The following EXOSC7 variants were observed in gnomAD, a reference collection of about 807,000 sequenced individuals.
EXOSC7 encodes exosome complex component RRP42.
A neutral mutation model predicts 34.3 loss-of-function variants in EXOSC7; 25 were observed. The observed-to-expected ratio is 0.73, with a 90% CI of 0.53 to 1.02. EXOSC7 has a LOEUF of 1.02. EXOSC7 is among the 50% of genes least tolerant of loss of function. EXOSC7 has a pLI of 0.00. For missense variants in EXOSC7, 370 were observed against 368.5 expected (o/e 1.00, Z -0.03); for synonymous variants, 130 against 143.0 (o/e 0.91, Z 0.65).
intron 1 of EXOSC7, among the ~76,000 whole-genome samples, chr3:44,984,779 A>G (rs916555321): frequency 3.3e-5 from 5 of 152,274 alleles, no homozygotes; most frequent in Non-Finnish European, 5.9e-5. Flanking sequence ...TATTCCTTGC[A>G]CATTATCTGG....
At chr3:44,989,375 AG>A (rs3830558) in intron 2 of EXOSC7, 134 bp downstream of exon 2, 22,027 of 825,446 alleles carry the variant, frequency 0.027, 442 homozygotes, top group Middle Eastern at 0.052. Flanking sequence ...AAACTCAGGG[AG>A]GGGGGGTCTA....
chr3:45,002,707 A>G (rs139526720), intron 5 of EXOSC7, among the ~76,000 whole-genome samples: 2,041 of 152,318 alleles, frequency 0.013, 19 homozygotes, highest in Non-Finnish European at 0.021. Context: ...GAGCTTTTCT[A>G]TGATGAGTTT....
intron 7 of EXOSC7, among the ~76,000 whole-genome samples, chr3:45,009,608 G>A (rs1239453035): frequency 1.3e-5 from 2 of 151,818 alleles, no homozygotes; most frequent in Non-Finnish European, 2.9e-5. Flanking sequence ...GAGTGCAGTG[G>A]TGCGATCTCA....
rs892609356 is a variant in EXOSC7, at chr3:44,979,174, A to G, written c.57+2840A>G. On this transcript the variant is annotated intron_variant, in intron 1 of 7. Coordinates refer to ENST00000265564, the MANE Select transcript of EXOSC7 (RefSeq NM_015004.4). The stretch of plus-strand genomic sequence containing the variant: ...GCAAAACACAATTTACACCATCCAA[A>G]TAAAGGTCAGGATGCAGGTGAATGA... Among the ~76,000 whole-genome samples the G allele has an allele frequency of 2.6e-4, 39 of 152,326 alleles. 1 individual carries two copies. The highest frequency in any genetic ancestry group is 2.3e-3 in the Admixed American group (35 of 15,302).
chr3:44,978,538 T>G (rs989571762), intron 1 of EXOSC7, among the ~76,000 whole-genome samples: 4 of 152,104 alleles, frequency 2.6e-5, no homozygotes, highest in Non-Finnish European at 4.4e-5. Context: ...TGTACTTGAG[T>G]GTTTATATAT....
At position 45,001,562 on chromosome 3, in the gene EXOSC7, T is replaced by G. The variant is rs369458041; in HGVS notation, c.445T>G (p.Phe149Val). The change falls in exon 5 of 8, where the codon TTT becomes GTT. Residue 149 changes from phenylalanine (F) to valine (V), a missense_variant. Phe to Val is a conservative substitution (Grantham distance 50). This residue lies in a region of EXOSC7 where 255 missense variants were observed against 246.4 expected (regional missense o/e 1.03). Coordinates refer to ENST00000265564, the MANE Select transcript of EXOSC7 (RefSeq NM_015004.4). Reference protein sequence around the residue: ...VLLLECGGNLFDAISIAVKAA... With the variant: ...VLLLECGGNLVDAISIAVKAA... ...GCTTCTGGAATGTGGTGGAAATTTG[T>G]TTGATGCCATTTCCATTGCTGTAAA... 36 of 1,613,736 alleles carry G rather than the reference T, an allele frequency of 2.2e-5. No homozygotes were observed. The highest frequency in any genetic ancestry group is 1.7e-5 in the Admixed American group (1 of 60,006).
intron 4 of EXOSC7, among the ~76,000 whole-genome samples, chr3:44,997,792 C>T (rs965596026): frequency 6.6e-6 from 1 of 152,158 alleles, no homozygotes; most frequent in African/African-American, 2.4e-5. Flanking sequence ...GATGTGAACA[C>T]CTGGTTTGAC....
intron 5 of EXOSC7, 126 bp from the exon 6 acceptor site, chr3:45,005,165 A>AT: frequency 1.8e-6 from 2 of 1,096,446 alleles, no homozygotes; most frequent in Non-Finnish European, 2.7e-6. Flanking sequence ...GATGAGGATG[A>AT]TAAAGAATAG....
Position 44,997,179 on chromosome 3 carries a change from A to G in EXOSC7, c.347A>G (p.Lys116Arg). Reference protein sequence around the residue: ...ANTLYRIFNNKSSVDLKTLCI... With the variant: ...ANTLYRIFNNRSSVDLKTLCI... ...ACCCTCTATCGGATATTTAACAATA[A>G]AAGCAGTGTCGACTTAAAGACCCTC... The change falls in exon 4 of 8, where the codon AAA (lysine) becomes AGA (arginine). Residue 116 changes from lysine to arginine, a missense_variant. Lys to Arg is a conservative substitution (Grantham distance 26). Coordinates refer to ENST00000265564, the MANE Select transcript of EXOSC7 (RefSeq NM_015004.4). The G allele has an allele frequency of 6.2e-7, 1 of 1,613,964 alleles. No individual in the cohort carries two copies. Among genetic ancestry groups the G allele is most frequent in the Non-Finnish European group, 8.5e-7 (1 of 1,180,000 alleles).
At chr3:44,992,710 A>G (rs529023085) in intron 3 of EXOSC7, among the ~76,000 whole-genome samples, 1 of 152,332 alleles carries the variant, frequency 6.6e-6, no homozygotes, top group Admixed American at 6.5e-5. Flanking sequence ...GGTGGTTTCT[A>G]TCTAAAGCCC....
rs1353275539 is a variant in EXOSC7 at position 45,005,275 on chromosome 3, G to A, written c.492-16G>A. ...CCTCCTCCAAGTGGGAATTTTACTA[G>A]TGCTTCTGCTTCCAGGATACCAAGG... On this transcript the variant is annotated splice_polypyrimidine_tract_variant and intron_variant, in intron 5 of 7. Transcript: ENST00000265564. The A allele has an allele frequency of 1.9e-6, 3 of 1,613,754 alleles. No homozygotes were observed. The East Asian group carries it at 6.7e-5, about 36-fold the overall frequency.
At chr3:45,000,515 T>C (rs1706845352) in intron 4 of EXOSC7, among the ~76,000 whole-genome samples, 1 of 152,252 alleles carries the variant, frequency 6.6e-6, no homozygotes, top group Admixed American at 6.5e-5. Context: ...CAGAAGGATA[T>C]GCCACCTTCC....
intron 3 of EXOSC7, 97 bp from the exon 4 acceptor site, chr3:44,996,990 T>C (rs1375391519): frequency 3.1e-5 from 40 of 1,286,146 alleles, no homozygotes; most frequent in Non-Finnish European, 3.5e-5. Flanking sequence ...CAGCTGGCTC[T>C]TCCAGCATTC....
At chr3:44,989,398 A>G in intron 2 of EXOSC7, 152 bp from the exon 3 acceptor site, 3 of 798,088 alleles carry the variant, frequency 3.8e-6, no homozygotes, top group South Asian at 3.4e-5. Flanking sequence ...CCAGATCTGA[A>G]AAGACTGCTC....
In EXOSC7 at chr3:44,998,596, T is replaced by C. The variant is rs116174981; in HGVS notation, c.420+1344T>C. Among the ~76,000 whole-genome samples, 695 of 152,340 alleles carry C rather than the reference T, an allele frequency of 4.6e-3. 3 individuals carry two copies. Among genetic ancestry groups the C allele is most frequent in the African/African-American group, 0.016 (668 of 41,584 alleles). ...TGAAAAGAAACAGCCTGGCTCTGCA[T>C]GTTGGCTCTATTGAGACAGGGTGGA... On this transcript the variant is annotated intron_variant, in intron 4 of 7. Coordinates refer to ENST00000265564, the MANE Select transcript of EXOSC7 (RefSeq NM_015004.4).
chr3:44,983,527 C>T (rs1706328949), intron 1 of EXOSC7, among the ~76,000 whole-genome samples: 1 of 152,152 alleles, frequency 6.6e-6, no homozygotes, highest in Non-Finnish European at 1.5e-5. Context: ...GCTGTTTCCA[C>T]CACACCACAC....
At chr3:44,989,748 C>A in intron 3 of EXOSC7, 104 bp downstream of exon 3, 2 of 839,742 alleles carry the variant, frequency 2.4e-6, no homozygotes, top group Non-Finnish European at 3.8e-6. Context: ...TTATACTTAT[C>A]ATTCAGCCAT....
intron 5 of EXOSC7, among the ~76,000 whole-genome samples, chr3:45,003,325 C>T (rs1370117009): frequency 9.0e-6 from 1 of 111,070 alleles, no homozygotes; most frequent in African/African-American, 4.0e-5. Flanking sequence ...TTGGGAGATA[C>T]TGTGCGTGCG....
chr3:45,000,216 T>TG (rs1244509062), intron 4 of EXOSC7, among the ~76,000 whole-genome samples: 1 of 152,212 alleles, frequency 6.6e-6, no homozygotes, highest in African/African-American at 2.4e-5. Context: ...TGACCTTTGG[T>TG]GGGGTGATTG....
Sources: gnomAD v4.1 joint callset for allele counts (sites outside exome capture counted in the v4.1 genomes callset) on GRCh38, gnomAD v4.1.1 for gene constraint, gnomAD v4.1.1 regional missense constraint, MANE v1.5 for transcripts, NCBI Gene and HGNC (gene_info 2026-07-23, HGNC 2026-07-21) for gene names.